LCORL: variants seen among roughly 807,000 people sequenced by gnomAD.
LCORL encodes the protein ligand-dependent nuclear receptor corepressor-like protein.
A neutral mutation model predicts 141.8 loss-of-function variants in LCORL; 41 were observed. The observed-to-expected ratio is 0.29, with a 90% CI of 0.23 to 0.38. LCORL has a LOEUF of 0.38. Ranked by LOEUF, LCORL falls within the 10% of genes least tolerant of loss-of-function variation. The probability of loss-of-function intolerance (pLI) is 1.00; values close to 1 mark genes in which losing one functional copy is unlikely to be tolerated. For missense variants in LCORL, 1,759 were observed against 2,035.0 expected, an observed-to-expected ratio of 0.86 and a Z score of 2.61; for synonymous variants, 618 against 694.1, an observed-to-expected ratio of 0.89 and a Z score of 1.72.
chr4:17,874,300 G>C (rs974919234), exon 7 of LCORL: 13 of 1,233,482 alleles, frequency 1.1e-5, no homozygotes, highest in Non-Finnish European at 1.2e-5. Flanking sequence ...GATTTTGAAG[G>C]AGAAGAGAGT....
At chr4:17,953,016 G>A (rs941860143) in intron 4 of LCORL, among the ~76,000 whole-genome samples, 10 of 151,272 alleles carry the variant, frequency 6.6e-5, no homozygotes, top group East Asian at 3.9e-4. Context: ...CTGTTCCTGC[G>A]TTAGTTTACT....
At chr4:18,014,846 A>G (rs1724390457) in intron 1 of LCORL, among the ~76,000 whole-genome samples, 1 of 152,232 alleles carries the variant, frequency 6.6e-6, no homozygotes, top group Non-Finnish European at 1.5e-5. Context: ...CATTGTGAAT[A>G]AAAACTCTTG....
At position 18,021,852 on chromosome 4, in the gene LCORL, A is replaced by G; in HGVS notation, c.-101T>C. ...GAGCCCCGGAGCGCGCGCCCCCCGG[A>G]GGGGGGTTGATTGACACGTGTCACT... On this transcript the variant is annotated 5_prime_UTR_variant, in exon 1 of 8. Transcript: ENST00000635767. The surrounding 1 kb of genome is among the most constrained non-coding windows in gnomAD (Gnocchi z 5.5). 1 of 1,322,938 alleles carries G rather than the reference A, an allele frequency of 7.6e-7. No individual in the cohort carries two copies. The highest frequency in any genetic ancestry group is 9.8e-7 in the Non-Finnish European group (1 of 1,017,408). The allele number at this position is 1,322,938 out of a possible 1,614,324, so 81.9% of individuals were successfully genotyped here.
chr4:17,939,147 A>T (rs1022116685), intron 4 of LCORL, among the ~76,000 whole-genome samples: 15 of 152,348 alleles, frequency 9.8e-5, no homozygotes, highest in African/African-American at 3.4e-4. Flanking sequence ...AAAAAGGAAG[A>T]TACATGAATT....
At chr4:17,895,208 CTA>C (rs1729731111) in intron 5 of LCORL, among the ~76,000 whole-genome samples, 1 of 151,908 alleles carries the variant, frequency 6.6e-6, no homozygotes, top group African/African-American at 2.4e-5. Context: ...CTGTTTTGAA[CTA>C]TGTTACCATT....
At chr4:17,874,607 A>G in exon 7 of LCORL, 2 of 1,233,794 alleles carry the variant, frequency 1.6e-6, no homozygotes, top group Non-Finnish European at 2.0e-6. Flanking sequence ...TTTTATGAAT[A>G]CAATTTTCAG....
rs1245999811 is a variant in LCORL at position 18,021,715 on chromosome 4, C to T, written c.37G>A (p.Ala13Thr). ...GCGGCGGCGGCGGCGGCAGCAGCGG[C>T]GGCGGCAGCGGCCATTCTCTCTCTT... is the stretch of plus-strand genomic sequence containing the variant. Residue 13 changes from alanine to threonine, a missense_variant, in exon 1 of 8, where the codon GCC (alanine) becomes ACC (threonine). Ala to Thr is a moderately conservative substitution (Grantham distance 58). Coordinates refer to ENST00000635767, the Ensembl canonical transcript of LCORL. The surrounding 1 kb of genome is among the most constrained non-coding windows in gnomAD (Gnocchi z 5.5). 1.3e-6 allele frequency: 2 copies of T among 1,525,954 alleles called. No individual in the cohort carries two copies. The highest frequency in any genetic ancestry group is 2.8e-5 in the African/African-American group (2 of 70,602). 94.5% of individuals were successfully genotyped at this position (1,525,954 alleles called of 1,614,324 possible). A position where few individuals can be genotyped will look rare whatever the true frequency, so the allele number is the denominator to read the frequency against.
intron 1 of LCORL, among the ~76,000 whole-genome samples, chr4:17,995,897 T>A (rs1253670452): frequency 1.3e-5 from 2 of 152,282 alleles, no homozygotes; most frequent in Admixed American, 1.3e-4. Flanking sequence ...TGGACAAATG[T>A]ATCTCTCTGA....
In LCORL at chr4:18,021,523, C is replaced by T; in HGVS notation, c.154+75G>A. ...CCGAACGGGAGATTCAACTAAACCC[C>T]TCAGCCACAAACTCCTCGGGCTGCG... On this transcript the variant is annotated intron_variant, in intron 1 of 7. Coordinates refer to ENST00000635767, the Ensembl canonical transcript of LCORL. This position sits in a 1 kb window ranked among gnomAD's most constrained non-coding sequence, Gnocchi z 5.5. The T allele has an allele frequency of 7.4e-7, 1 of 1,347,498 alleles. No individual in the cohort carries two copies. Among genetic ancestry groups the T allele is most frequent in the Non-Finnish European group, 1.0e-6 (1 of 1,003,230 alleles). The allele number at this position is 1,347,498 out of a possible 1,614,324, so 83.5% of individuals were successfully genotyped here.
chr4:17,945,167 T>C (rs1218056727), intron 4 of LCORL, among the ~76,000 whole-genome samples: 2 of 152,108 alleles, frequency 1.3e-5, no homozygotes, highest in African/African-American at 4.8e-5. Context: ...GGGTAATTCT[T>C]GACAGCAGTT....
At chr4:17,848,439 T>C (rs1457698350) in intron 7 of LCORL, among the ~76,000 whole-genome samples, 2 of 152,230 alleles carry the variant, frequency 1.3e-5, no homozygotes, top group East Asian at 3.9e-4. Flanking sequence ...AGCCTCCAAC[T>C]CCTGTGCTCA....
exon 7 of LCORL, chr4:17,875,753 A>T (rs147960551): frequency 1.6e-6 from 2 of 1,230,914 alleles, no homozygotes; most frequent in Non-Finnish European, 2.0e-6. Context: ...TTTTTGGTCT[A>T]CCTGGTTTTC....
At chr4:17,861,580 G>T (rs183566000) in intron 7 of LCORL, among the ~76,000 whole-genome samples, 1 of 152,188 alleles carries the variant, frequency 6.6e-6, no homozygotes, top group Non-Finnish European at 1.5e-5. Context: ...GGAGATTAAC[G>T]TGTGGCTCCT....
chr4:17,911,349 G>A (rs1289994570), intron 4 of LCORL, among the ~76,000 whole-genome samples: 1 of 152,110 alleles, frequency 6.6e-6, no homozygotes, highest in African/African-American at 2.4e-5. Flanking sequence ...AAAAACCTAT[G>A]CATAGGTTTC....
chr4:17,923,027 C>T (rs1481914524), intron 4 of LCORL, among the ~76,000 whole-genome samples: 6 of 152,208 alleles, frequency 3.9e-5, no homozygotes, highest in Non-Finnish European at 2.9e-5. Flanking sequence ...CCAACCCCAA[C>T]ACCCCTGTTT....
At chr4:17,910,276 C>A (rs1431674817) in intron 4 of LCORL, among the ~76,000 whole-genome samples, 1 of 152,206 alleles carries the variant, frequency 6.6e-6, no homozygotes, top group Non-Finnish European at 1.5e-5. Flanking sequence ...GGGGTGGTGG[C>A]TTTTACACAC....
chr4:17,939,189 CATTA>C (rs1737400171), intron 4 of LCORL, among the ~76,000 whole-genome samples: 1 of 152,120 alleles, frequency 6.6e-6, no homozygotes, highest in Non-Finnish European at 1.5e-5. Context: ...TGCACAACAT[CATTA>C]GTCATCAAAG....
Position 17,883,673 on chromosome 4 carries a change from A to AC in LCORL, c.776+2394_776+2395insG. The AC allele has an allele frequency of 3.0e-6, 4 of 1,315,906 alleles. No homozygotes were observed. The South Asian group carries it at 5.1e-5, about 17-fold the overall frequency. 81.5% of individuals were successfully genotyped at this position (1,315,906 alleles called of 1,614,324 possible). ...ACCTGTGCACATACACACACACGCA[A>AC]ACACACACACACACACACACTCACA... On this transcript the variant is annotated intron_variant, in intron 6 of 7. Coordinates refer to ENST00000635767, the Ensembl canonical transcript of LCORL.
chr4:17,951,057 C>T (rs1162504144), intron 4 of LCORL, among the ~76,000 whole-genome samples: 1 of 152,178 alleles, frequency 6.6e-6, no homozygotes, highest in East Asian at 1.9e-4. Flanking sequence ...CCTCAGGCAT[C>T]TATTTCACTA....
Sources: allele counts gnomAD v4.1 joint callset (sites outside exome capture counted in the v4.1 genomes callset), GRCh38; gene constraint gnomAD v4.1.1; non-coding constraint Gnocchi (gnomAD v3.1); transcripts MANE v1.5; gene names NCBI Gene and HGNC (gene_info 2026-07-23, HGNC 2026-07-21).